The following LAMA3 variants were observed in gnomAD, a reference collection of about 807,000 sequenced individuals.
LAMA3 encodes laminin subunit alpha 3.
In LAMA3, 281 loss-of-function variants were observed where a neutral mutation model predicts 402.0. That is an observed-to-expected ratio of 0.70 (90% CI 0.63 to 0.77). LAMA3 has a LOEUF of 0.77. Among genes scored for constraint, LAMA3 ranks in the 30% least tolerant of loss-of-function variants. The probability of loss-of-function intolerance (pLI) is 0.00; values close to 1 mark genes in which losing one functional copy is unlikely to be tolerated. For missense variants in LAMA3, 3,840 were observed against 4,215.5 expected (o/e 0.91, Z 2.47); for synonymous variants, 1,431 against 1,558.4 (o/e 0.92, Z 1.93).
chr18:23,833,930 G>T lies in LAMA3; in HGVS notation c.2926G>T (p.Val976Leu). The change falls in exon 24 of 75, where the codon GTG (valine) becomes TTG (leucine). Residue 976 changes from valine (V) to leucine (L), a missense_variant. By Grantham distance (32) the Val-to-Leu change is conservative. Transcript: ENST00000313654. ...TCAGCTGTTTGTGGTTGATGTGAAT[G>T]TGAAGAGCTCCGGGTCTGTTCTGGC... ...AAQLFVVDVN[V>L]KSSGSVLAGQ... 1.9e-6 allele frequency: 3 copies of T among 1,614,238 alleles called. No homozygotes were observed. Among genetic ancestry groups the T allele is most frequent in the Non-Finnish European group, 2.5e-6 (3 of 1,180,048 alleles).
chr18:23,690,733 T>G (rs550231371), intron 1 of LAMA3, among the ~76,000 whole-genome samples: 19 of 149,510 alleles, frequency 1.3e-4, no homozygotes, highest in African/African-American at 4.7e-4. Flanking sequence ...GCCTCAGCCT[T>G]GGGCGTAGCT....
At position 23,890,888 on chromosome 18, in the gene LAMA3, A is replaced by G. The variant is rs866541633; in HGVS notation, c.5410+771A>G. Among the ~76,000 whole-genome samples, 4 of 152,328 alleles carry G rather than the reference A, an allele frequency of 2.6e-5. No homozygotes were observed. The Middle Eastern group carries it at 0.01, about 389-fold the overall frequency. On this transcript the variant is annotated intron_variant, in intron 42 of 74. Transcript: ENST00000313654. ...GCCTCAGGACTTCATCCTTGGCTCC[A>G]CATTTTTTATTTGGATGGAAATATA...
rs1400770603 is a variant in LAMA3, at chr18:23,850,076, A to C, written c.4136+2408A>C. ...CCTTAGAAAATTTCCTTTATGAAGA[A>C]TATGTTTAGAGGAGTCTAAAGCTCA... On this transcript the variant is annotated intron_variant, in intron 32 of 74. Transcript: ENST00000313654. 3.9e-5 allele frequency among the ~76,000 whole-genome samples: 6 copies of C among 152,332 alleles called. No individual in the cohort carries two copies. The East Asian group carries it at 1.2e-3, about 29-fold the overall frequency.
At position 23,950,137 on chromosome 18, in the gene LAMA3, G is replaced by A. The variant is rs2082855398; in HGVS notation, c.9620G>A (p.Cys3207Tyr). 1 of 1,614,154 alleles carries A rather than the reference G, an allele frequency of 6.2e-7. No homozygotes were observed. The highest frequency in any genetic ancestry group is 8.5e-7 in the Non-Finnish European group (1 of 1,180,036). Residue 3207 changes from cysteine to tyrosine, a missense_variant, in exon 72 of 75, where the codon TGT becomes TAT. Around this residue, in one of 3 missense-constraint regions of LAMA3, gnomAD observed 840 missense variants for 981.9 expected, o/e 0.86. Transcript: ENST00000313654. ...HIGSQPGKHL[C>Y]VYLEAGKVTA... Reference sequence around the variant, plus strand: ...GGAAGTCAGCCCGGGAAGCACTTATGTGTTTACCTGGAGGCAGGAAAGGTG... The same window carrying A: ...GGAAGTCAGCCCGGGAAGCACTTATATGTTTACCTGGAGGCAGGAAAGGTG...
At chr18:23,908,995 A>G (rs746022417) in intron 54 of LAMA3, among the ~76,000 whole-genome samples, 158 bp from the exon 55 acceptor site, 1 of 152,226 alleles carries the variant, frequency 6.6e-6, no homozygotes, top group Non-Finnish European at 1.5e-5. Context: ...AAGTGAAACC[A>G]TGGGTAAGGG....
chr18:23,775,171 G>A (rs764096936), intron 9 of LAMA3, among the ~76,000 whole-genome samples: 9 of 152,176 alleles, frequency 5.9e-5, no homozygotes, highest in Admixed American at 2.6e-4. Flanking sequence ...GTCAAGGGAG[G>A]CCCCCAAGTG....
chr18:23,861,587 C>A, intron 34 of LAMA3, 59 bp from the exon 35 acceptor site: 1 of 1,592,992 alleles, frequency 6.3e-7, no homozygotes, highest in Non-Finnish European at 8.6e-7. Context: ...ATGCACCCAT[C>A]ACCCCAGGGA....
intron 1 of LAMA3, among the ~76,000 whole-genome samples, chr18:23,702,661 C>G (rs1354988395): frequency 6.6e-6 from 1 of 152,180 alleles, no homozygotes; most frequent in Non-Finnish European, 1.5e-5. Context: ...GTGTCTGACT[C>G]ACAGGCTGGT....
At chr18:23,690,073 C>G (rs1396645049) in intron 1 of LAMA3, 96 bp downstream of exon 1, 4 of 1,017,798 alleles carry the variant, frequency 3.9e-6, no homozygotes, top group Admixed American at 3.5e-5. Context: ...CTCACGCGCG[C>G]TAGTGGCTCC....
rs2081127413 is a variant in LAMA3 at position 23,903,066 on chromosome 18, G to A, written c.6259G>A (p.Ala2087Thr). ...QSDFTKYLTT[A>T]DSSLLQTNIA... The stretch of plus-strand genomic sequence containing the variant: ...TGATTTCACCAAGTATCTAACCACT[G>A]CAGACTCATCTTTGTTGCAAACCAA... The change falls in exon 49 of 75, where the codon GCA becomes ACA. Residue 2087 changes from alanine (A) to threonine (T), a missense_variant. Physicochemically the swap from Ala to Thr is moderately conservative, Grantham distance 58. Coordinates refer to ENST00000313654, the MANE Select transcript of LAMA3 (RefSeq NM_198129.4). The A allele has an allele frequency of 6.2e-7, 1 of 1,613,378 alleles. No homozygotes were observed. The highest frequency in any genetic ancestry group is 8.5e-7 in the Non-Finnish European group (1 of 1,179,482).
At chr18:23,866,833 T>C (rs2064369469) in intron 36 of LAMA3, among the ~76,000 whole-genome samples, 1 of 152,232 alleles carries the variant, frequency 6.6e-6, no homozygotes, top group Non-Finnish European at 1.5e-5. Context: ...TTAAATGATA[T>C]GTGATCCTAG....
intron 10 of LAMA3, among the ~76,000 whole-genome samples, chr18:23,776,841 C>CTTTTTTTTT (rs34901172): frequency 7.4e-6 from 1 of 135,892 alleles, no homozygotes; most frequent in Non-Finnish European, 1.6e-5. Flanking sequence ...TTGTATTTGC[C>CTTTTTTTTT]TTTTTTTTTT....
chr18:23,867,727 C>T, intron 36 of LAMA3, 107 bp from the exon 37 acceptor site: 1 of 850,434 alleles, frequency 1.2e-6, no homozygotes, highest in East Asian at 2.5e-5. Flanking sequence ...TTTTTTAAGT[C>T]AGGTATGTCA....
intron 25 of LAMA3, among the ~76,000 whole-genome samples, chr18:23,838,450 G>A (rs1194243042): frequency 6.6e-6 from 1 of 152,096 alleles, no homozygotes; most frequent in African/African-American, 2.4e-5. Flanking sequence ...AGCCAGGATT[G>A]GCGCAAGACA....
At chr18:23,706,584 T>C (rs551821357) in intron 1 of LAMA3, among the ~76,000 whole-genome samples, 10 of 152,282 alleles carry the variant, frequency 6.6e-5, no homozygotes, top group African/African-American at 2.4e-4. Context: ...GTTTATTGTG[T>C]TTATATGTGT....
intron 2 of LAMA3, among the ~76,000 whole-genome samples, chr18:23,747,156 C>T (rs921845280): frequency 3.3e-5 from 5 of 152,068 alleles, no homozygotes; most frequent in Admixed American, 6.6e-5. Context: ...TGCTTAACAC[C>T]GTGTTCAATG....
chr18:23,764,443 T>C (rs2062034862), intron 8 of LAMA3, among the ~76,000 whole-genome samples: 1 of 152,206 alleles, frequency 6.6e-6, no homozygotes, highest in African/African-American at 2.4e-5. Context: ...GTAGGTAGAA[T>C]CTTTTCTCTG....
intron 1 of LAMA3, among the ~76,000 whole-genome samples, chr18:23,706,976 G>A (rs1327766109): frequency 1.3e-5 from 2 of 152,162 alleles, no homozygotes; most frequent in Non-Finnish European, 2.9e-5. Flanking sequence ...TACTCAGGAG[G>A]CTGAGGCAGG....
chr18:23,751,546 C>A (rs2337180), intron 5 of LAMA3, among the ~76,000 whole-genome samples: 120,976 of 152,138 alleles, frequency 0.8, 48,886 homozygotes, highest in African/African-American at 0.95. Context: ...GATCCCCTAC[C>A]TCTTGGTCCT....
Sources: gnomAD v4.1 joint callset for allele counts (sites outside exome capture counted in the v4.1 genomes callset) on GRCh38, gnomAD v4.1.1 for gene constraint, gnomAD v4.1.1 regional missense constraint, MANE v1.5 for transcripts, NCBI Gene and HGNC (gene_info 2026-07-23, HGNC 2026-07-21) for gene names.